SEMA3D: variants seen among roughly 807,000 people sequenced by gnomAD.
SEMA3D encodes semaphorin 3D, also known as semaphorin-3D.
SEMA3D carries 84 observed loss-of-function variants against 100.1 expected under a neutral mutation model. That is an observed-to-expected ratio of 0.84 (90% CI 0.70 to 1.01). SEMA3D has a LOEUF of 1.01. Among genes scored for constraint, SEMA3D ranks in the 50% least tolerant of loss-of-function variants. The pLI is 0.00. For synonymous variants in SEMA3D, 312 were observed against 320.7 expected (o/e 0.97, Z 0.29); for missense variants, 875 against 934.1 (o/e 0.94, Z 0.82).
In SEMA3D at chr7:85,059,035, G is replaced by T. The variant is rs73377861; in HGVS notation, c.719-3176C>A. ...ATAGCCATGATTTTTCCACTGACTT[G>T]ATATTACAACAATGAACAGAGAAAA... On this transcript the variant is annotated intron_variant, in intron 8 of 18. Coordinates refer to ENST00000284136, the MANE Select transcript of SEMA3D (RefSeq NM_001384900.1). 9.0e-3 allele frequency among the ~76,000 whole-genome samples: 1,362 copies of T among 152,158 alleles called. 27 individuals carry two copies. The highest frequency in any genetic ancestry group is 0.031 in the African/African-American group (1,297 of 41,510).
At chr7:85,143,103 G>A (rs1309280985) in intron 2 of SEMA3D, 8 of 948,898 alleles carry the variant, frequency 8.4e-6, no homozygotes, top group Non-Finnish European at 1.0e-5. Flanking sequence ...ATGACAATGA[G>A]TACCTATCAC....
At chr7:85,048,243 A>T (rs139492952) in intron 9 of SEMA3D, among the ~76,000 whole-genome samples, 16 of 151,968 alleles carry the variant, frequency 1.1e-4, no homozygotes, top group South Asian at 4.1e-4. Flanking sequence ...TAGATCCCAC[A>T]GCAACTGTCC....
At chr7:85,062,151 G>A (rs1791495800) in intron 8 of SEMA3D, among the ~76,000 whole-genome samples, 1 of 152,192 alleles carries the variant, frequency 6.6e-6, no homozygotes, top group Admixed American at 6.5e-5. Flanking sequence ...ACCTCCGCTA[G>A]CTGTTTAACT....
chr7:84,999,895 A>G, intron 18 of SEMA3D, 30 bp from the exon 19 acceptor site: 2 of 1,586,952 alleles, frequency 1.3e-6, no homozygotes, highest in Non-Finnish European at 1.7e-6. Context: ...TAGGTAATAA[A>G]TTAAACACAG....
chr7:85,169,210 A>C lies in SEMA3D; in HGVS notation c.-172-15471T>G, dbSNP rs138398849. 2.3e-3 allele frequency among the ~76,000 whole-genome samples: 354 copies of C among 151,978 alleles called. 1 individual carries two copies. Among genetic ancestry groups the C allele is most frequent in the African/African-American group, 8.0e-3 (331 of 41,530 alleles). On this transcript the variant is annotated intron_variant, in intron 1 of 18. Coordinates refer to ENST00000284136, the MANE Select transcript of SEMA3D (RefSeq NM_001384900.1). ...TCCAATTATGTCCAAGACTGAAATT[A>C]AACAAAACAAAGAAACAAACAAAGA...
chr7:85,101,172 C>T (rs556557888), intron 3 of SEMA3D, among the ~76,000 whole-genome samples: 11 of 151,882 alleles, frequency 7.2e-5, no homozygotes, highest in Non-Finnish European at 1.5e-4. Context: ...TCACACAAAC[C>T]TTATTTCAAT....
chr7:85,055,910 A>C, intron 8 of SEMA3D, 51 bp from the exon 9 acceptor site: 1 of 1,037,844 alleles, frequency 9.6e-7, no homozygotes, highest in Non-Finnish European at 1.4e-6. Context: ...CAATCCAGTC[A>C]TCATAGTTTG....
chr7:85,142,546 G>A (rs1790085271), intron 2 of SEMA3D: 1 of 982,270 alleles, frequency 1.0e-6, no homozygotes, highest in East Asian at 1.1e-4. Context: ...TCCCCAATTT[G>A]CATTGGATAT....
chr7:85,175,063 A>G (rs1294120279), intron 1 of SEMA3D, among the ~76,000 whole-genome samples: 1 of 152,204 alleles, frequency 6.6e-6, no homozygotes, highest in Non-Finnish European at 1.5e-5. Flanking sequence ...GGTTGCAATT[A>G]TACAAAAGAA....
intron 1 of SEMA3D, among the ~76,000 whole-genome samples, chr7:85,180,626 C>A (rs964994199): frequency 7.2e-5 from 11 of 152,056 alleles, no homozygotes; most frequent in African/African-American, 2.4e-4. Context: ...TCCTATTTTT[C>A]TTATTATTTA....
chr7:85,019,033 G>A (rs1418282960), intron 14 of SEMA3D, among the ~76,000 whole-genome samples: 2 of 151,784 alleles, frequency 1.3e-5, no homozygotes, highest in South Asian at 2.1e-4. Context: ...AAATTTCAGT[G>A]AGAAAGTTCT....
intron 9 of SEMA3D, among the ~76,000 whole-genome samples, chr7:85,043,920 A>G (rs1454529962): frequency 6.6e-6 from 1 of 152,080 alleles, no homozygotes; most frequent in Non-Finnish European, 1.5e-5. Context: ...CTTTATCAGA[A>G]GCGTGAAAAC....
At chr7:85,010,763 C>G (rs570439304) in intron 17 of SEMA3D, among the ~76,000 whole-genome samples, 1 of 151,826 alleles carries the variant, frequency 6.6e-6, no homozygotes, top group South Asian at 2.1e-4. Context: ...AAGTGGAGCT[C>G]TTTAGTAGGC....
At chr7:85,134,071 G>A (rs945311683) in intron 2 of SEMA3D, among the ~76,000 whole-genome samples, 2 of 151,922 alleles carry the variant, frequency 1.3e-5, no homozygotes, top group African/African-American at 4.8e-5. Context: ...AATTAGATAA[G>A]GTCCCTATTG....
At chr7:85,203,142 T>G in the SEMA3D span, among the ~76,000 whole-genome samples, 2 of 152,188 alleles carry the variant, frequency 1.3e-5, no homozygotes, top group Non-Finnish European at 2.9e-5. Context: ...TTAAGCTCAG[T>G]AGCTGAAGAT....
intron 4 of SEMA3D, among the ~76,000 whole-genome samples, chr7:85,093,337 G>A (rs1399457829): frequency 6.6e-6 from 1 of 151,892 alleles, no homozygotes; most frequent in Admixed American, 6.6e-5. Flanking sequence ...ATGAAAGAGA[G>A]GGTTTTGCAA....
intron 9 of SEMA3D, chr7:85,050,589 A>T (rs1008401150): frequency 7.6e-6 from 3 of 392,256 alleles, no homozygotes; most frequent in African/African-American, 6.2e-5. Context: ...TGCCCAGTAA[A>T]ATTATCTTTT....
the SEMA3D span, among the ~76,000 whole-genome samples, chr7:85,233,122 CAT>C: frequency 5.2e-3 from 795 of 151,984 alleles, 10 homozygotes; most frequent in African/African-American, 0.018. Flanking sequence ...AATATGATTT[CAT>C]CATGAGGACA....
chr7:85,098,041 G>T (rs1788620513), intron 3 of SEMA3D, 76 bp from the exon 4 acceptor site: 1 of 645,670 alleles, frequency 1.5e-6, no homozygotes, highest in Non-Finnish European at 2.3e-6. Context: ...AGAGAAAGAA[G>T]AAAGAAAAAG....
Sources: allele counts gnomAD v4.1 joint callset (sites outside exome capture counted in the v4.1 genomes callset), GRCh38; gene constraint gnomAD v4.1.1; transcripts MANE v1.5; gene names NCBI Gene and HGNC (gene_info 2026-07-23, HGNC 2026-07-21).